Variants in KIRREL3 observed in about 807,000 individuals in gnomAD.
The protein encoded by KIRREL3 is kirre like nephrin family adhesion molecule 3.
Under a neutral mutation model 89.7 loss-of-function variants are expected in KIRREL3, and 36 were observed. That is an observed-to-expected ratio of 0.40 (90% CI 0.31 to 0.53). The LOEUF is 0.53. Among genes scored for constraint, KIRREL3 ranks in the 20% least tolerant of loss-of-function variants. The pLI is 0.49. For missense variants in KIRREL3, 864 were observed against 1,056.6 expected, an observed-to-expected ratio of 0.82 and a Z score of 2.53; for synonymous variants, 445 against 441.4, an observed-to-expected ratio of 1.01 and a Z score of -0.10.
At chr11:126,929,099 G>A (rs2135041753) in intron 1 of KIRREL3, among the ~76,000 whole-genome samples, 1 of 152,344 alleles carries the variant, frequency 6.6e-6, no homozygotes, top group Admixed American at 6.5e-5. Flanking sequence ...GGTTTACAGA[G>A]TGGAGAGGAC....
rs1305926035 is a variant in KIRREL3 at position 126,677,726 on chromosome 11, C to G, written c.56-114814G>C. ...CTCCCAGAATGAGTCCAGGGGAGCC[C>G]CCTGGACCAAAGCAGGACAGAGCTA... is the stretch of plus-strand genomic sequence containing the variant. On this transcript the variant is annotated intron_variant, in intron 1 of 16. Coordinates refer to ENST00000525144, the MANE Select transcript of KIRREL3 (RefSeq NM_032531.4). The surrounding 1 kb of genome is among the most constrained non-coding windows in gnomAD (Gnocchi z 5.1). 6.6e-6 allele frequency among the ~76,000 whole-genome samples: 1 copy of G among 152,108 alleles called. No homozygotes were observed. The highest frequency in any genetic ancestry group is 1.5e-5 in the Non-Finnish European group (1 of 68,010).
upstream of KIRREL3, chr11:127,002,819 G>T (rs1950337713): frequency 6.6e-6 from 1 of 152,176 alleles, no homozygotes; most frequent in African/African-American, 2.4e-5. Context: ...GCCCCCGAGG[G>T]AACTATTACA....
At chr11:126,895,436 G>A (rs73569664) in intron 1 of KIRREL3, among the ~76,000 whole-genome samples, 10,557 of 141,684 alleles carry the variant, frequency 0.075, 1,296 homozygotes, top group African/African-American at 0.26. Context: ...GCAACAGAGT[G>A]AGACACTGTC....
In KIRREL3 at chr11:126,709,200, GA is replaced by G. The variant is rs1947659911; in HGVS notation, c.56-146289del. ...GATTATCCTTAAGCAAAAAGGTCAA[GA>G]AATTATTAGATCAATTTCAAGTCCT... On this transcript the variant is annotated intron_variant, in intron 1 of 16. Coordinates refer to ENST00000525144, the MANE Select transcript of KIRREL3 (RefSeq NM_032531.4). This position sits in a 1 kb window ranked among gnomAD's most constrained non-coding sequence, Gnocchi z 4.0. Among the ~76,000 whole-genome samples the G allele has an allele frequency of 6.6e-6, 1 of 152,242 alleles. No individual in the cohort carries two copies. The highest frequency in any genetic ancestry group is 2.4e-5 in the African/African-American group (1 of 41,462).
chr11:126,839,284 G>T (rs1360766358), intron 1 of KIRREL3, among the ~76,000 whole-genome samples: 1 of 152,210 alleles, frequency 6.6e-6, no homozygotes, highest in Non-Finnish European at 1.5e-5. Flanking sequence ...AGAGCTCATT[G>T]TCTTTTGGGG....
chr11:126,598,111 C>T (rs928595064), intron 1 of KIRREL3, among the ~76,000 whole-genome samples: 9 of 152,228 alleles, frequency 5.9e-5, no homozygotes, highest in Admixed American at 4.6e-4. Flanking sequence ...TCTTGGCTCA[C>T]GCCAATGTCT....
intron 1 of KIRREL3, among the ~76,000 whole-genome samples, chr11:126,667,529 A>G (rs551045759): frequency 6.6e-6 from 1 of 152,266 alleles, no homozygotes; most frequent in East Asian, 1.9e-4. Context: ...GAGAATAGGG[A>G]GAGAAGGGCT....
chr11:126,558,550 C>T lies in KIRREL3; in HGVS notation c.133+4285G>A, dbSNP rs1465721815. On this transcript the variant is annotated intron_variant, in intron 2 of 16. Coordinates refer to ENST00000525144, the MANE Select transcript of KIRREL3 (RefSeq NM_032531.4). The surrounding 1 kb of genome is among the most constrained non-coding windows in gnomAD (Gnocchi z 4.0). Reference sequence around the variant, plus strand: ...CCAGCCACTTCATATGGGCCCCGGGCAAGTTGCTGCATGCTCTTGGGCCAT... The same window carrying T: ...CCAGCCACTTCATATGGGCCCCGGGTAAGTTGCTGCATGCTCTTGGGCCAT... Among the ~76,000 whole-genome samples the T allele has an allele frequency of 1.3e-5, 2 of 152,182 alleles. No individual in the cohort carries two copies. The highest frequency in any genetic ancestry group is 2.9e-5 in the Non-Finnish European group (2 of 68,038).
chr11:126,561,510 A>T lies in KIRREL3; in HGVS notation c.133+1325T>A, dbSNP rs975127195. On this transcript the variant is annotated intron_variant, in intron 2 of 16. Transcript: ENST00000525144. The surrounding 1 kb of genome is among the most constrained non-coding windows in gnomAD (Gnocchi z 4.5). ...GGACAGAGGCACGCTGTCAGTTCCC[A>T]CAAATTAGAAGTTACTGCCTAGCAG... Among the ~76,000 whole-genome samples the T allele has an allele frequency of 2.6e-5, 4 of 152,156 alleles. No homozygotes were observed. Among genetic ancestry groups the T allele is most frequent in the African/African-American group, 9.7e-5 (4 of 41,442 alleles).
At chr11:126,957,788 C>T (rs1314452259) in intron 1 of KIRREL3, among the ~76,000 whole-genome samples, 1 of 152,210 alleles carries the variant, frequency 6.6e-6, no homozygotes. Context: ...GGCGGAGAAC[C>T]AGATGTCTGG....
Position 126,890,713 on chromosome 11 carries a change from A to G in KIRREL3, c.55+109742T>C, listed in dbSNP as rs557884070. ...AAATACTCTGCCTTCTGTAGACTCT[A>G]CTGAAGCCACTAGGGTGAGTGAGAG... On this transcript the variant is annotated intron_variant, in intron 1 of 16. Transcript: ENST00000525144. This position sits in a 1 kb window ranked among gnomAD's most constrained non-coding sequence, Gnocchi z 5.1. 4.6e-5 allele frequency among the ~76,000 whole-genome samples: 7 copies of G among 152,236 alleles called. No individual in the cohort carries two copies. In the East Asian group the frequency reaches 7.7e-4, roughly 17 times the overall value.
intron 2 of KIRREL3, among the ~76,000 whole-genome samples, chr11:126,560,983 G>T (rs1940077524): frequency 1.3e-5 from 2 of 152,110 alleles, no homozygotes; most frequent in African/African-American, 4.8e-5. Context: ...TTTGAGTATT[G>T]GTATGAGATA....
intron 1 of KIRREL3, among the ~76,000 whole-genome samples, chr11:126,952,054 A>C (rs1948787791): frequency 6.6e-6 from 1 of 152,216 alleles, no homozygotes. Flanking sequence ...GGACAGAAAA[A>C]AAGAGAGGAG....
rs1950169843 is a variant in KIRREL3, at chr11:126,776,393, CCA to C, written c.56-213483_56-213482del. 6.6e-6 allele frequency among the ~76,000 whole-genome samples: 1 copy of C among 152,200 alleles called. No homozygotes were observed. Among genetic ancestry groups the C allele is most frequent in the Non-Finnish European group, 1.5e-5 (1 of 68,038 alleles). ...ACGCAAGTCATGAAACCTCACTGAACCAGTTTCCCATTGGTAAATGTGCTGAT... is the reference window on the plus strand; with the variant it reads ...ACGCAAGTCATGAAACCTCACTGAACGTTTCCCATTGGTAAATGTGCTGAT... On this transcript the variant is annotated intron_variant, in intron 1 of 16. Transcript: ENST00000525144. This position sits in a 1 kb window ranked among gnomAD's most constrained non-coding sequence, Gnocchi z 4.7.
intron 1 of KIRREL3, among the ~76,000 whole-genome samples, chr11:126,937,829 G>T (rs183150608): frequency 6.6e-6 from 1 of 152,184 alleles, no homozygotes; most frequent in Non-Finnish European, 1.5e-5. Context: ...AACCAAGGAG[G>T]CGGAGCTTGC....
rs147967632 is a variant in KIRREL3 at position 126,501,045 on chromosome 11, A to G, written c.433+20270T>C. Among the ~76,000 whole-genome samples the G allele has an allele frequency of 2.6e-5, 4 of 152,294 alleles. No homozygotes were observed. Among genetic ancestry groups the G allele is most frequent in the African/African-American group, 9.6e-5 (4 of 41,588 alleles). On this transcript the variant is annotated intron_variant, in intron 4 of 16. Transcript: ENST00000525144. The surrounding 1 kb of genome is among the most constrained non-coding windows in gnomAD (Gnocchi z 5.8). ...ACCCGCTGCCGAGACATCTCCGTGTAGCTTTCCTGGCTCTGCCTCTCCCAG... is the reference window on the plus strand; with the variant it reads ...ACCCGCTGCCGAGACATCTCCGTGTGGCTTTCCTGGCTCTGCCTCTCCCAG...
In KIRREL3 at chr11:126,940,312, T is replaced by C. The variant is rs1592420033; in HGVS notation, c.55+60143A>G. 1.3e-5 allele frequency: 2 copies of C among 152,178 alleles called. No homozygotes were observed. The highest frequency in any genetic ancestry group is 3.8e-4 in the East Asian group (2 of 5,200). The allele number at this position is 152,178 out of a possible 1,614,324, so 9.4% of individuals were successfully genotyped here. A position where few individuals can be genotyped will look rare whatever the true frequency, so the allele number is the denominator to read the frequency against. ...AGATTGGAAAAACAATAGTTGTTTC[T>C]TTTTTCTTTTATTTCAGCAGGGTTC... On this transcript the variant is annotated intron_variant, in intron 1 of 16. Transcript: ENST00000525144. This position sits in a 1 kb window ranked among gnomAD's most constrained non-coding sequence, Gnocchi z 4.6.
Position 126,877,880 on chromosome 11 carries a change from T to G in KIRREL3, c.55+122575A>C, listed in dbSNP as rs1356301026. Among the ~76,000 whole-genome samples the G allele has an allele frequency of 6.6e-6, 1 of 152,150 alleles. No homozygotes were observed. The highest frequency in any genetic ancestry group is 2.4e-5 in the African/African-American group (1 of 41,424). On this transcript the variant is annotated intron_variant, in intron 1 of 16. Coordinates refer to ENST00000525144, the MANE Select transcript of KIRREL3 (RefSeq NM_032531.4). The surrounding 1 kb of genome is among the most constrained non-coding windows in gnomAD (Gnocchi z 4.9). ...CTGAAAAAGCAGAATATTATTATAA[T>G]AGGTGCAAAAACAGTTGCAGCGTGT... is the stretch of plus-strand genomic sequence containing the variant.
Position 126,689,076 on chromosome 11 carries a change from G to A in KIRREL3, c.56-126164C>T, listed in dbSNP as rs1292533527. ...AGAGAGAGAGAGAGAGAGAGAGAGA[G>A]AGAGAGTATTGTAATAACGTATTGA... is the stretch of plus-strand genomic sequence containing the variant. On this transcript the variant is annotated intron_variant, in intron 1 of 16. Transcript: ENST00000525144. The surrounding 1 kb of genome is among the most constrained non-coding windows in gnomAD (Gnocchi z 5.2). 6.7e-6 allele frequency among the ~76,000 whole-genome samples: 1 copy of A among 148,732 alleles called. No homozygotes were observed. Among genetic ancestry groups the A allele is most frequent in the Non-Finnish European group, 1.5e-5 (1 of 67,762 alleles).
Sources: gnomAD v4.1 joint callset for allele counts (sites outside exome capture counted in the v4.1 genomes callset) on GRCh38, gnomAD v4.1.1 for gene constraint, Gnocchi (gnomAD v3.1) non-coding constraint, MANE v1.5 for transcripts, NCBI Gene and HGNC (gene_info 2026-07-23, HGNC 2026-07-21) for gene names.